The following ILRUN variants were observed in gnomAD, a reference collection of about 807,000 sequenced individuals.
ILRUN encodes protein ILRUN.
In ILRUN, 3 loss-of-function variants were observed where a neutral mutation model predicts 33.8. That is an observed-to-expected ratio of 0.09 (90% CI 0.04 to 0.23). ILRUN has a LOEUF of 0.23. Ranked by LOEUF, ILRUN falls within the 10% of genes least tolerant of loss-of-function variation. The probability of loss-of-function intolerance (pLI) is 1.00; values close to 1 mark genes in which losing one functional copy is unlikely to be tolerated. For missense variants in ILRUN, 210 were observed against 375.1 expected (o/e 0.56, Z 3.64); for synonymous variants, 124 against 138.9 (o/e 0.89, Z 0.75).
At chr6:34,618,162 A>T (rs1052065863) in intron 3 of ILRUN, among the ~76,000 whole-genome samples, 1 of 152,204 alleles carries the variant, frequency 6.6e-6, no homozygotes, top group Non-Finnish European at 1.5e-5. Flanking sequence ...GAAAAATGAA[A>T]ATCTGTTCAG....
intron 1 of ILRUN, among the ~76,000 whole-genome samples, chr6:34,688,052 TG>T (rs1166498986): frequency 2.6e-5 from 4 of 151,236 alleles, no homozygotes; most frequent in Non-Finnish European, 5.9e-5. Flanking sequence ...AATGAACAGA[TG>T]AAACAAATTG....
chr6:34,631,331 C>CTT (rs1230393478), intron 3 of ILRUN, among the ~76,000 whole-genome samples: 3 of 142,662 alleles, frequency 2.1e-5, no homozygotes. Flanking sequence ...CCATTCCCCT[C>CTT]TTTTTTTTTT....
intron 3 of ILRUN, among the ~76,000 whole-genome samples, chr6:34,629,328 TTG>T (rs904513385): frequency 6.6e-6 from 1 of 152,172 alleles, no homozygotes; most frequent in African/African-American, 2.4e-5. Flanking sequence ...GTTATCAAGT[TTG>T]TGGGCACAGA....
intron 1 of ILRUN, among the ~76,000 whole-genome samples, chr6:34,681,175 C>A (rs1763351577): frequency 6.6e-6 from 1 of 152,018 alleles, no homozygotes; most frequent in Non-Finnish European, 1.5e-5. Flanking sequence ...AAGAGGCTGA[C>A]CTCTTATGAA....
At chr6:34,639,249 G>C (rs980941157) in intron 3 of ILRUN, among the ~76,000 whole-genome samples, 1 of 152,280 alleles carries the variant, frequency 6.6e-6, no homozygotes, top group Admixed American at 6.5e-5. Flanking sequence ...TTATTTACTC[G>C]ATATGTCAAA....
intron 2 of ILRUN, among the ~76,000 whole-genome samples, chr6:34,650,415 A>T (rs912157800): frequency 1.3e-5 from 1 of 78,506 alleles, no homozygotes; most frequent in Admixed American, 1.2e-4. Context: ...ATTTTTATTT[A>T]TTTATTTATT....
intron 1 of ILRUN, among the ~76,000 whole-genome samples, chr6:34,664,614 A>T (rs56987113): frequency 6.6e-6 from 1 of 152,182 alleles, no homozygotes; most frequent in Non-Finnish European, 1.5e-5. Context: ...ATACTTCCCA[A>T]AATGGGAAAC....
intron 4 of ILRUN, among the ~76,000 whole-genome samples, chr6:34,604,760 C>T (rs755320283): frequency 6.6e-6 from 1 of 152,188 alleles, no homozygotes; most frequent in Non-Finnish European, 1.5e-5. Context: ...TACTCTCTTG[C>T]CAATTTACTT....
chr6:34,609,638 G>T (rs1761706049), intron 3 of ILRUN, among the ~76,000 whole-genome samples: 1 of 152,106 alleles, frequency 6.6e-6, no homozygotes, highest in Admixed American at 6.5e-5. Context: ...GAATCTTAAA[G>T]TATTATACAA....
At chr6:34,619,068 T>C (rs187989913) in intron 3 of ILRUN, among the ~76,000 whole-genome samples, 27 of 152,082 alleles carry the variant, frequency 1.8e-4, no homozygotes, top group Non-Finnish European at 2.8e-4. Flanking sequence ...AAAAAAGCAG[T>C]CAGTTTCAGC....
rs59506285 is a variant in ILRUN at position 34,611,102 on chromosome 6, CT to C, written c.512-4199del. Reference sequence around the variant, plus strand: ...TCCTTTCTTTCTTTCTTTCTGATGTCTTTTTTTTTTTTTTTAATTAAATTTT... The same window carrying C: ...TCCTTTCTTTCTTTCTTTCTGATGTCTTTTTTTTTTTTTTAATTAAATTTT... On this transcript the variant is annotated intron_variant, in intron 3 of 4. Transcript: ENST00000374023. Among the ~76,000 whole-genome samples, 423 of 121,888 alleles carry C rather than the reference CT, an allele frequency of 3.5e-3. 1 individual carries two copies. The highest frequency in any genetic ancestry group is 0.012 in the Middle Eastern group (3 of 244). 80.0% of individuals were successfully genotyped at this position (121,888 alleles called of 152,430 possible).
At chr6:34,675,664 T>TA (rs1238850507) in intron 1 of ILRUN, among the ~76,000 whole-genome samples, 1 of 151,966 alleles carries the variant, frequency 6.6e-6, no homozygotes, top group East Asian at 1.9e-4. Context: ...TGCCACATAG[T>TA]AAAAAACATT....
In ILRUN at chr6:34,683,522, A is replaced by ATGTATATATATG. The variant is rs1462963647; in HGVS notation, c.158+12923_158+12924insCATATATATACA. On this transcript the variant is annotated intron_variant, in intron 1 of 4. Coordinates refer to ENST00000374023, the MANE Select transcript of ILRUN (RefSeq NM_024294.4). Reference sequence around the variant, plus strand: ...TACATATATATATATATACATATATATATATACATATTGCACAGAATATTC... The same window carrying ATGTATATATATG: ...TACATATATATATATATACATATATATGTATATATATGTATATACATATTGCACAGAATATTC... 4.2e-4 allele frequency among the ~76,000 whole-genome samples: 38 copies of ATGTATATATATG among 89,434 alleles called. 1 individual carries two copies. The highest frequency in any genetic ancestry group is 0.011 in the Middle Eastern group (2 of 180). The allele number at this position is 89,434 out of a possible 152,430, so 58.7% of individuals were successfully genotyped here. A position where few individuals can be genotyped will look rare whatever the true frequency, so the allele number is the denominator to read the frequency against.
intron 3 of ILRUN, among the ~76,000 whole-genome samples, chr6:34,617,892 G>C (rs912928716): frequency 2.0e-5 from 3 of 152,156 alleles, no homozygotes; most frequent in African/African-American, 7.2e-5. Context: ...ACAAGTTCAC[G>C]CAGGAAAGAA....
At chr6:34,651,198 A>G (rs1343697578) in intron 2 of ILRUN, among the ~76,000 whole-genome samples, 2 of 152,240 alleles carry the variant, frequency 1.3e-5, no homozygotes, top group Non-Finnish European at 2.9e-5. Flanking sequence ...GACAACTTCC[A>G]GAAGAGAAAA....
intron 3 of ILRUN, chr6:34,616,503 A>G (rs1166511009): frequency 1.1e-6 from 1 of 881,164 alleles, no homozygotes; most frequent in Non-Finnish European, 1.8e-6. Flanking sequence ...TAGGCAGTGC[A>G]AAAGTCAGTA....
At chr6:34,612,209 T>C (rs1395222715) in intron 3 of ILRUN, among the ~76,000 whole-genome samples, 4 of 151,926 alleles carry the variant, frequency 2.6e-5, no homozygotes, top group African/African-American at 9.7e-5. Flanking sequence ...AACTCAGGAG[T>C]TTGCGACCAG....
chr6:34,671,494 G>A (rs1763117016), intron 1 of ILRUN, among the ~76,000 whole-genome samples: 1 of 152,206 alleles, frequency 6.6e-6, no homozygotes, highest in Non-Finnish European at 1.5e-5. Context: ...TCTATTTGGA[G>A]AAAGAAAGTT....
intron 1 of ILRUN, among the ~76,000 whole-genome samples, chr6:34,678,255 G>C (rs866961968): frequency 4.5e-4 from 69 of 152,226 alleles, no homozygotes; most frequent in African/African-American, 8.7e-4. Flanking sequence ...TGGTCAGGCT[G>C]GTCTTGAACT....
Sources: gnomAD v4.1 joint callset for allele counts (sites outside exome capture counted in the v4.1 genomes callset) on GRCh38, gnomAD v4.1.1 for gene constraint, MANE v1.5 for transcripts, NCBI Gene and HGNC (gene_info 2026-07-23, HGNC 2026-07-21) for gene names.